The following ODF2 variants were observed in gnomAD, a reference collection of about 807,000 sequenced individuals.
The protein encoded by ODF2 is outer dense fiber protein 2.
A neutral mutation model predicts 110.2 loss-of-function variants in ODF2; 47 were observed. That is an observed-to-expected ratio of 0.43 (90% CI 0.34 to 0.54). The LOEUF (loss-of-function observed/expected upper bound fraction) is 0.54, where lower values mean the gene tolerates loss of function less well. Ranked by LOEUF, ODF2 falls within the 20% of genes least tolerant of loss-of-function variation. The probability of loss-of-function intolerance (pLI) is 0.03; values close to 1 mark genes in which losing one functional copy is unlikely to be tolerated. For missense variants in ODF2, 812 were observed against 1,054.5 expected (o/e 0.77, Z 3.19); for synonymous variants, 352 against 397.7 (o/e 0.89, Z 1.37).
Position 128,484,693 on chromosome 9 carries a change from C to T in ODF2, c.1105-8C>T. ...CTCCCTCTCTTTCTCACCCCTTCCC[C>T]CTTCCAGAATCTGGAGCGCAGCGGG... On this transcript the variant is annotated splice_polypyrimidine_tract_variant and splice_region_variant and intron_variant, in intron 11 of 20. Transcript: ENST00000604420. 1 of 1,555,276 alleles carries T rather than the reference C, an allele frequency of 6.4e-7. No homozygotes were observed. Among genetic ancestry groups the T allele is most frequent in the Non-Finnish European group, 8.7e-7 (1 of 1,148,898 alleles).
intron 18 of ODF2, 137 bp downstream of exon 18, chr9:128,496,278 A>T: frequency 6.6e-7 from 1 of 1,516,566 alleles, no homozygotes; most frequent in Non-Finnish European, 8.8e-7. Context: ...CTCAGAGGAA[A>T]AGCTGCTTCC....
At chr9:128,458,621 T>C (rs1358906187) in intron 2 of ODF2, among the ~76,000 whole-genome samples, 1 of 151,084 alleles carries the variant, frequency 6.6e-6, no homozygotes, top group Non-Finnish European at 1.5e-5. Context: ...TTTGCAGATC[T>C]GGTGATGGAG....
intron 4 of ODF2, among the ~76,000 whole-genome samples, chr9:128,465,771 T>A (rs1047491962): frequency 1.3e-5 from 2 of 151,618 alleles, no homozygotes; most frequent in Admixed American, 1.3e-4. Flanking sequence ...CTATTTTTAT[T>A]TAGGGAAATT....
chr9:128,457,185 C>T, intron 1 of ODF2: 2 of 1,535,074 alleles, frequency 1.3e-6, no homozygotes, highest in South Asian at 1.2e-5. Flanking sequence ...ACTATTTCCC[C>T]CTACTTTGGC....
chr9:128,495,844 G>A (rs1009911089), intron 17 of ODF2, among the ~76,000 whole-genome samples, 197 bp from the exon 18 acceptor site: 1 of 152,102 alleles, frequency 6.6e-6, no homozygotes, highest in Admixed American at 6.6e-5. Flanking sequence ...CTCCCAGTGT[G>A]GGGAGAGCCT....
rs377444063 is a variant in ODF2 at position 128,484,062 on chromosome 9, T to C, written c.1104+8T>C. On this transcript the variant is annotated splice_region_variant and intron_variant, in intron 11 of 20. Transcript: ENST00000604420. ...CTGTGCATGCAGATTAAGGTACCTA[T>C]TGGCCCCACAAGTGGGGAAAGAGGA... is the stretch of plus-strand genomic sequence containing the variant. 8.1e-6 allele frequency: 13 copies of C among 1,598,714 alleles called. No individual in the cohort carries two copies. Among genetic ancestry groups the C allele is most frequent in the Non-Finnish European group, 1.1e-5 (13 of 1,171,362 alleles).
chr9:128,471,324 G>A, exon 6 of ODF2: 1 of 1,610,216 alleles, frequency 6.2e-7, no homozygotes, highest in Non-Finnish European at 8.5e-7. Context: ...ATGCAAAAAG[G>A]TGAGCGCCAG....
chr9:128,468,624 G>A (rs1464956080), intron 4 of ODF2, among the ~76,000 whole-genome samples: 6 of 152,094 alleles, frequency 3.9e-5, no homozygotes, highest in Non-Finnish European at 8.8e-5. Flanking sequence ...CCGGGTTCAA[G>A]CGATCCTCCA....
At position 128,457,436 on chromosome 9, in the gene ODF2, A is replaced by AG. The variant is rs745773663; in HGVS notation, c.32+1dup. 1.9e-6 allele frequency: 3 copies of AG among 1,610,636 alleles called. No individual in the cohort carries two copies. Among genetic ancestry groups the AG allele is most frequent in the South Asian group, 2.2e-5 (2 of 90,922 alleles). ...TGCCTCATCCTCAGGCGGCTCCCCC[A>AG]GGTATTGCCGATGTGGGAGGCGCCT... is the stretch of plus-strand genomic sequence containing the variant. On this transcript the variant is annotated frameshift_variant and splice_region_variant, in exon 2 of 21. Coordinates refer to ENST00000604420, the Ensembl canonical transcript of ODF2. LOFTEE classifies it high-confidence loss of function.
intron 9 of ODF2, among the ~76,000 whole-genome samples, chr9:128,481,965 C>G (rs1256938719): frequency 3.3e-5 from 5 of 152,110 alleles, no homozygotes; most frequent in Non-Finnish European, 5.9e-5. Flanking sequence ...GGATTCAAAG[C>G]CATCAAAAAG....
intron 2 of ODF2, among the ~76,000 whole-genome samples, chr9:128,457,772 G>C (rs564452946): frequency 2.0e-5 from 3 of 152,202 alleles, no homozygotes; most frequent in South Asian, 2.1e-4. Context: ...GGATGTGGCA[G>C]TTAGCAAGAT....
chr9:128,466,980 TAAAAAAAAAAAAAAA>T (rs398046919), intron 4 of ODF2, among the ~76,000 whole-genome samples: 4 of 19,788 alleles, frequency 2.0e-4, no homozygotes, highest in Non-Finnish European at 2.6e-4. Context: ...CCATCTCAAT[TAAAAAAAAAAAAAAA>T]AAAAAAAAAA....
intron 1 of ODF2, chr9:128,456,649 G>A (rs1834880176): frequency 1.4e-6 from 2 of 1,479,484 alleles, no homozygotes; most frequent in Non-Finnish European, 1.8e-6. Flanking sequence ...GCATCGCCCC[G>A]ACCGCCTCGT....
chr9:128,498,228 G>C, intron 18 of ODF2, 185 bp from the exon 19 acceptor site: 1 of 798,866 alleles, frequency 1.3e-6, no homozygotes, highest in Non-Finnish European at 1.8e-6. Flanking sequence ...CTAACCAGTT[G>C]CTCCAGCTGC....
intron 8 of ODF2, among the ~76,000 whole-genome samples, chr9:128,478,011 G>A (rs1841677059): frequency 6.6e-6 from 1 of 151,336 alleles, no homozygotes; most frequent in African/African-American, 2.4e-5. Flanking sequence ...TAATTTTTTT[G>A]TTTGTTTTGA....
intron 9 of ODF2, 56 bp downstream of exon 9, chr9:128,481,707 C>T (rs552017061): frequency 2.1e-6 from 3 of 1,423,710 alleles, no homozygotes; most frequent in South Asian, 1.2e-5. Context: ...GAGCGTCGTT[C>T]CACTACAAAG....
At chr9:128,482,696 TG>T in intron 9 of ODF2, 119 bp from the exon 10 acceptor site, 1 of 597,852 alleles carries the variant, frequency 1.7e-6, no homozygotes, top group Non-Finnish European at 3.0e-6. Context: ...ATCTCTGACA[TG>T]GGCCAATGTA....
chr9:128,482,698 G>T, intron 9 of ODF2, 118 bp from the exon 10 acceptor site: 1 of 617,036 alleles, frequency 1.6e-6, no homozygotes, highest in Admixed American at 3.3e-5. Flanking sequence ...CTCTGACATG[G>T]GCCAATGTAT....
At chr9:128,498,517 G>A (rs372418953) in exon 19 of ODF2, 252 of 1,611,338 alleles carry the variant, frequency 1.6e-4, no homozygotes, top group Non-Finnish European at 2.1e-4. Context: ...GAGAAAACAC[G>A]GGAATGTGGG....
Sources: allele counts gnomAD v4.1 joint callset (sites outside exome capture counted in the v4.1 genomes callset), GRCh38; gene constraint gnomAD v4.1.1; transcripts MANE v1.5; gene names NCBI Gene and HGNC (gene_info 2026-07-23, HGNC 2026-07-21).